The following RAB27A variants were observed in gnomAD, a reference collection of about 807,000 sequenced individuals.
RAB27A encodes RAB27A, member RAS oncogene family.
A neutral mutation model predicts 20.8 loss-of-function variants in RAB27A; 17 were observed. That is an observed-to-expected ratio of 0.82 (90% CI 0.56 to 1.23). The LOEUF (loss-of-function observed/expected upper bound fraction) is 1.23, where lower values mean the gene tolerates loss of function less well. Ranked by LOEUF, RAB27A falls within the 50% of genes most tolerant of loss-of-function variation. The pLI, the probability that RAB27A is intolerant of heterozygous loss-of-function variation, is 0.00. For missense variants in RAB27A, 277 were observed against 266.7 expected, an observed-to-expected ratio of 1.04 and a Z score of -0.27; for synonymous variants, 85 against 92.8, an observed-to-expected ratio of 0.92 and a Z score of 0.48.
At chr15:55,270,388 A>G (rs919709504) in intron 1 of RAB27A, 104 bp from the exon 2 acceptor site, 1 of 152,226 alleles carries the variant, frequency 6.6e-6, no homozygotes, top group African/African-American at 2.4e-5. Context: ...CTTTCAAAAC[A>G]GGCATCGCTG....
intron 5 of RAB27A, among the ~76,000 whole-genome samples, chr15:55,227,305 C>T (rs1057012281): frequency 7.0e-6 from 1 of 142,740 alleles, no homozygotes; most frequent in Non-Finnish European, 1.5e-5. Flanking sequence ...TGCGCACTCT[C>T]TAGTGATCCT....
At chr15:55,217,663 CAAAAAAAAA>C (rs199813098) in intron 6 of RAB27A, among the ~76,000 whole-genome samples, 65 of 43,536 alleles carry the variant, frequency 1.5e-3, no homozygotes, top group African/African-American at 5.1e-3. Flanking sequence ...CACTCCATCT[CAAAAAAAAA>C]AAAAAAAAAA....
chr15:55,267,455 C>T (rs188056368), intron 2 of RAB27A, among the ~76,000 whole-genome samples: 4 of 152,192 alleles, frequency 2.6e-5, no homozygotes, highest in African/African-American at 9.6e-5. Flanking sequence ...CCCTACCTGC[C>T]CCCCAGCCTA....
chr15:55,315,634 C>A (rs544902486), intron 1 of RAB27A, among the ~76,000 whole-genome samples: 3 of 152,246 alleles, frequency 2.0e-5, no homozygotes, highest in African/African-American at 7.2e-5. Flanking sequence ...ATTTACGCAG[C>A]CAACAAACTT....
chr15:55,253,757 G>A (rs1470299996), intron 2 of RAB27A, among the ~76,000 whole-genome samples: 2 of 151,606 alleles, frequency 1.3e-5, no homozygotes, highest in African/African-American at 2.4e-5. Flanking sequence ...AAAAAGAGTC[G>A]GGGAATAAAC....
chr15:55,241,626 G>GTATATATATATATA (rs1353888326), intron 2 of RAB27A, among the ~76,000 whole-genome samples: 1 of 107,282 alleles, frequency 9.3e-6, no homozygotes, highest in African/African-American at 5.9e-5. Flanking sequence ...ATATATATAT[G>GTATATATATATATA]TGTGTATATA....
At chr15:55,318,287 C>T (rs1383942577) in intron 1 of RAB27A, among the ~76,000 whole-genome samples, 3 of 151,250 alleles carry the variant, frequency 2.0e-5, no homozygotes, top group East Asian at 2.0e-4. Flanking sequence ...TTTGTAGAGA[C>T]GGGGTTTCAC....
intron 2 of RAB27A, among the ~76,000 whole-genome samples, chr15:55,255,466 T>C (rs1897044877): frequency 6.6e-6 from 1 of 152,176 alleles, no homozygotes; most frequent in African/African-American, 2.4e-5. Flanking sequence ...CCACTACCCC[T>C]CACCACTGGA....
intron 2 of RAB27A, among the ~76,000 whole-genome samples, chr15:55,241,600 T>TATATATATATATATA (rs1896481032): frequency 8.1e-6 from 1 of 123,876 alleles, no homozygotes; most frequent in African/African-American, 4.3e-5. Context: ...CAAGACCTAT[T>TATATATATATATATA]TATATATATA....
chr15:55,215,051 G>T (rs1895214038), intron 6 of RAB27A, among the ~76,000 whole-genome samples: 1 of 152,082 alleles, frequency 6.6e-6, no homozygotes, highest in Non-Finnish European at 1.5e-5. Flanking sequence ...AAAAGCAGTT[G>T]AAAAACTCAG....
At chr15:55,288,551 A>G (rs1898219688) in intron 1 of RAB27A, among the ~76,000 whole-genome samples, 1 of 152,108 alleles carries the variant, frequency 6.6e-6, no homozygotes, top group East Asian at 1.9e-4. Flanking sequence ...TAGATTAAAT[A>G]TACTTCAACG....
At chr15:55,217,875 A>C (rs1001571854) in intron 6 of RAB27A, among the ~76,000 whole-genome samples, 2 of 151,964 alleles carry the variant, frequency 1.3e-5, no homozygotes, top group Non-Finnish European at 2.9e-5. Flanking sequence ...TTTGGAGTAC[A>C]TGGAGACCAT....
chr15:55,219,002 A>G (rs1376014099), intron 6 of RAB27A, among the ~76,000 whole-genome samples: 1 of 152,008 alleles, frequency 6.6e-6, no homozygotes, highest in African/African-American at 2.4e-5. Context: ...TCAACCTCCC[A>G]AAGTGCTGGG....
chr15:55,270,591 G>A (rs1187160959), intron 1 of RAB27A, among the ~76,000 whole-genome samples: 1 of 152,134 alleles, frequency 6.6e-6, no homozygotes. Context: ...CCTACCCCGT[G>A]AATCAAAACA....
chr15:55,214,306 G>A (rs1895173744), intron 6 of RAB27A, among the ~76,000 whole-genome samples: 1 of 152,166 alleles, frequency 6.6e-6, no homozygotes, highest in Non-Finnish European at 1.5e-5. Context: ...CATGGTGGTG[G>A]ACGCCTGTAG....
At chr15:55,230,509 A>T (rs752394863) in intron 3 of RAB27A, 23 bp from the exon 4 acceptor site, 1 of 1,587,226 alleles carries the variant, frequency 6.3e-7, no homozygotes, top group Admixed American at 1.7e-5. Context: ...AGTGAAAGAG[A>T]AAACAAAAGA....
chr15:55,251,539 A>G (rs1224726602), intron 2 of RAB27A, among the ~76,000 whole-genome samples: 1 of 152,222 alleles, frequency 6.6e-6, no homozygotes, highest in Non-Finnish European at 1.5e-5. Context: ...TGAGGCCATC[A>G]GAAAATATGA....
rs548180098 is a variant in RAB27A at position 55,221,597 on chromosome 15, T to G, written c.467+2292A>C. On this transcript the variant is annotated intron_variant, in intron 6 of 6. Coordinates refer to ENST00000336787, the MANE Select transcript of RAB27A (RefSeq NM_183235.3). Reference sequence around the variant, plus strand: ...GTGGGGAGATTTTAAAAGATACCAATGCCCAGGCTTTGTAATGAGTCAGCT... The same window carrying G: ...GTGGGGAGATTTTAAAAGATACCAAGGCCCAGGCTTTGTAATGAGTCAGCT... 2.0e-5 allele frequency among the ~76,000 whole-genome samples: 3 copies of G among 152,260 alleles called. No homozygotes were observed. The South Asian group carries it at 6.2e-4, about 32-fold the overall frequency.
At chr15:55,248,240 A>C (rs1395080030) in intron 2 of RAB27A, among the ~76,000 whole-genome samples, 1 of 152,106 alleles carries the variant, frequency 6.6e-6, no homozygotes, top group South Asian at 2.1e-4. Context: ...CATCCACCCT[A>C]CCACACCCCA....
Sources: gnomAD v4.1 joint callset for allele counts (sites outside exome capture counted in the v4.1 genomes callset) on GRCh38, gnomAD v4.1.1 for gene constraint, MANE v1.5 for transcripts, NCBI Gene and HGNC (gene_info 2026-07-23, HGNC 2026-07-21) for gene names.